PIK3AP1: variants seen among roughly 807,000 people sequenced by gnomAD.
The protein encoded by PIK3AP1 is phosphoinositide-3-kinase adaptor protein 1, also known as phosphoinositide 3-kinase adapter protein 1.
A neutral mutation model predicts 88.1 loss-of-function variants in PIK3AP1; 21 were observed. That is an observed-to-expected ratio of 0.24 (90% CI 0.17 to 0.34). The LOEUF is 0.34. PIK3AP1 is among the 10% of genes least tolerant of loss of function. PIK3AP1 has a pLI of 1.00. For missense variants in PIK3AP1, 828 were observed against 1,035.7 expected, an observed-to-expected ratio of 0.80 and a Z score of 2.75; for synonymous variants, 398 against 400.0, an observed-to-expected ratio of 1.00 and a Z score of 0.06.
At chr10:96,626,617 T>C (rs568369097) in intron 10 of PIK3AP1, 91 bp downstream of exon 10, 1 of 1,364,072 alleles carries the variant, frequency 7.3e-7, no homozygotes, top group South Asian at 1.4e-5. Context: ...GGATAGTCTC[T>C]GAGCAATGGT....
At chr10:96,630,581 TC>T (rs1475305525) in intron 8 of PIK3AP1, among the ~76,000 whole-genome samples, 4 of 151,936 alleles carry the variant, frequency 2.6e-5, no homozygotes, top group African/African-American at 9.7e-5. Context: ...ACACCTGTAA[TC>T]CCAGCACTTT....
chr10:96,621,936 G>A (rs1027316242), intron 11 of PIK3AP1, among the ~76,000 whole-genome samples: 3 of 152,210 alleles, frequency 2.0e-5, no homozygotes, highest in Admixed American at 6.5e-5. Flanking sequence ...ATTGCCAAAT[G>A]TTCTTTAGGG....
At chr10:96,621,822 G>T (rs1843088311) in intron 11 of PIK3AP1, 1 of 152,230 alleles carries the variant, frequency 6.6e-6, no homozygotes, top group Non-Finnish European at 1.5e-5. Flanking sequence ...TACTGTGTGG[G>T]TGTGTCCTGT....
chr10:96,628,535 C>G, intron 8 of PIK3AP1, 42 bp from the exon 9 acceptor site: 5 of 1,483,730 alleles, frequency 3.4e-6, no homozygotes, highest in Non-Finnish European at 4.7e-6. Context: ...TTGGTCTCCT[C>G]CACAGGCAAG....
chr10:96,643,644 C>T (rs1433226156), intron 8 of PIK3AP1, among the ~76,000 whole-genome samples: 5 of 152,172 alleles, frequency 3.3e-5, no homozygotes, highest in Non-Finnish European at 7.3e-5. Context: ...ACCTCTGGAC[C>T]ACATCTTGCA....
chr10:96,687,280 A>AAAAG (rs1844086420), intron 2 of PIK3AP1, among the ~76,000 whole-genome samples: 4 of 121,570 alleles, frequency 3.3e-5, no homozygotes, highest in Admixed American at 8.4e-5. Context: ...AAAAAAAAAA[A>AAAAG]AAAAAGAAAA....
intron 8 of PIK3AP1, 38 bp downstream of exon 8, chr10:96,645,435 G>T (rs1352187349): frequency 1.3e-6 from 2 of 1,597,852 alleles, no homozygotes; most frequent in Non-Finnish European, 1.7e-6. Context: ...CTGTTTCTCA[G>T]CAGAAAGGTG....
chr10:96,595,700 C>G, intron 16 of PIK3AP1, 66 bp from the exon 17 acceptor site: 2 of 1,504,734 alleles, frequency 1.3e-6, no homozygotes, highest in Non-Finnish European at 1.8e-6. Flanking sequence ...TAGGAATGCA[C>G]AATTTGTTGC....
At chr10:96,644,380 T>A (rs1843431388) in intron 8 of PIK3AP1, among the ~76,000 whole-genome samples, 1 of 152,270 alleles carries the variant, frequency 6.6e-6, no homozygotes, top group Admixed American at 6.5e-5. Flanking sequence ...CAAGTATGTC[T>A]GTATTTTTAA....
At chr10:96,685,696 G>A (rs752374541) in intron 2 of PIK3AP1, among the ~76,000 whole-genome samples, 4 of 152,190 alleles carry the variant, frequency 2.6e-5, no homozygotes, top group Non-Finnish European at 5.9e-5. Flanking sequence ...TTAGGCTTGC[G>A]GCTTTGGCCA....
intron 1 of PIK3AP1, among the ~76,000 whole-genome samples, chr10:96,715,759 G>A (rs987086038): frequency 3.9e-5 from 6 of 151,930 alleles, no homozygotes; most frequent in Non-Finnish European, 7.4e-5. Context: ...GAATTGTGGC[G>A]GGCACCTGTA....
At position 96,597,910 on chromosome 10, in the gene PIK3AP1, G is replaced by A. The variant is rs114221792; in HGVS notation, c.2361-2276C>T. 7.8e-3 allele frequency among the ~76,000 whole-genome samples: 1,188 copies of A among 152,206 alleles called. 21 individuals carry two copies. The highest frequency in any genetic ancestry group is 0.027 in the African/African-American group (1,140 of 41,526). ...TGCTGCCACACTGTGCAGTTGGGGT[G>A]GGCCTATGGGCATACCCTCTCTAGG... On this transcript the variant is annotated intron_variant, in intron 16 of 16. Coordinates refer to ENST00000339364, the MANE Select transcript of PIK3AP1 (RefSeq NM_152309.3).
rs138190573 is a variant in PIK3AP1, at chr10:96,674,931, C to T, written c.431-17997G>A. Reference sequence around the variant, plus strand: ...TTTTTGAGACGGAGTCTCACTCTGTCGCCCAGGCTGGAATGCAGTTCTGCA... The same window carrying T: ...TTTTTGAGACGGAGTCTCACTCTGTTGCCCAGGCTGGAATGCAGTTCTGCA... On this transcript the variant is annotated intron_variant, in intron 2 of 16. Coordinates refer to ENST00000339364, the MANE Select transcript of PIK3AP1 (RefSeq NM_152309.3). Among the ~76,000 whole-genome samples, 108 of 152,332 alleles carry T rather than the reference C, an allele frequency of 7.1e-4. 2 individuals are homozygous for T. In the East Asian group the frequency reaches 0.019, roughly 27 times the overall value.
chr10:96,628,599 G>A (rs1474118167), intron 8 of PIK3AP1, 106 bp from the exon 9 acceptor site: 2 of 914,800 alleles, frequency 2.2e-6, no homozygotes, highest in Non-Finnish European at 3.6e-6. Flanking sequence ...AGAGATTCAA[G>A]CATTCATCAA....
At chr10:96,605,279 G>A (rs1355164435) in intron 14 of PIK3AP1, among the ~76,000 whole-genome samples, 1 of 152,140 alleles carries the variant, frequency 6.6e-6, no homozygotes, top group Non-Finnish European at 1.5e-5. Context: ...AGAACTTTCA[G>A]GGCATCTTTT....
intron 16 of PIK3AP1, among the ~76,000 whole-genome samples, chr10:96,597,336 TTCCC>T (rs1393830423): frequency 1.3e-5 from 1 of 78,954 alleles, no homozygotes; most frequent in African/African-American, 5.9e-5. Context: ...CCTTCTTTCC[TTCCC>T]TCCCTCCCTC....
chr10:96,719,803 G>A (rs193283441), intron 1 of PIK3AP1, among the ~76,000 whole-genome samples: 1 of 152,282 alleles, frequency 6.6e-6, no homozygotes, highest in African/African-American at 2.4e-5. Flanking sequence ...CCAAAGTTCT[G>A]CAAAGGACGC....
intron 2 of PIK3AP1, among the ~76,000 whole-genome samples, chr10:96,673,575 G>A (rs748372521): frequency 3.9e-5 from 6 of 151,904 alleles, no homozygotes; most frequent in African/African-American, 1.2e-4. Flanking sequence ...TGTAAATTTC[G>A]TCCAAATGGC....
chr10:96,668,890 G>A (rs112747913), intron 2 of PIK3AP1, among the ~76,000 whole-genome samples: 5 of 152,156 alleles, frequency 3.3e-5, no homozygotes, highest in Non-Finnish European at 7.4e-5. Context: ...AGCACTTTGG[G>A]AGACCAAGAC....
Sources: gnomAD v4.1 joint callset for allele counts (sites outside exome capture counted in the v4.1 genomes callset) on GRCh38, gnomAD v4.1.1 for gene constraint, MANE v1.5 for transcripts, NCBI Gene and HGNC (gene_info 2026-07-23, HGNC 2026-07-21) for gene names.